The following DEGS2 variants were observed in gnomAD, a reference collection of about 807,000 sequenced individuals.
The protein encoded by DEGS2 is delta 4-desaturase, sphingolipid 2.
Under a neutral mutation model 23.8 loss-of-function variants are expected in DEGS2, and 19 were observed. That is an observed-to-expected ratio of 0.80 (90% CI 0.56 to 1.17). The LOEUF is 1.17. Among genes scored for constraint, DEGS2 ranks in the 50% most tolerant of loss-of-function variants. The pLI is 0.00. For missense variants in DEGS2, 390 were observed against 459.5 expected, an observed-to-expected ratio of 0.85 and a Z score of 1.38; for synonymous variants, 218 against 213.7, an observed-to-expected ratio of 1.02 and a Z score of -0.18.
At chr14:100,157,323 G>A (rs1462177244) in intron 1 of DEGS2, among the ~76,000 whole-genome samples, 2 of 152,356 alleles carry the variant, frequency 1.3e-5, no homozygotes, top group African/African-American at 4.8e-5. Flanking sequence ...TGGCTGCCAT[G>A]TGCCTCTTGC....
At chr14:100,153,715 C>T (rs527311192) in intron 1 of DEGS2, among the ~76,000 whole-genome samples, 3 of 152,358 alleles carry the variant, frequency 2.0e-5, no homozygotes, top group South Asian at 4.1e-4. Context: ...CTCTCTGCTC[C>T]GTGGGGCAGC....
rs200817337 is a variant in DEGS2 at position 100,148,954 on chromosome 14, G to T, written c.825+14C>A. 8.1e-6 allele frequency: 13 copies of T among 1,609,084 alleles called. No individual in the cohort carries two copies. In the Admixed American group the frequency reaches 1.8e-4, roughly 23 times the overall value. On this transcript the variant is annotated intron_variant, in intron 2 of 2. Transcript: ENST00000305631. ...GCCCTGCCCCGCCGCAGCCCTGCCA[G>T]CCCAGCCACATACCAGCGGCAGGTT...
chr14:100,160,031 C>G (rs1889727171), upstream of DEGS2: 1 of 153,224 alleles, frequency 6.5e-6, no homozygotes, highest in Non-Finnish European at 1.5e-5. Flanking sequence ...GTGGCTCGCG[C>G]CGCCCCTGCC....
chr14:100,146,979 C>T lies in DEGS2; in HGVS notation c.826-72G>A, dbSNP rs989079255. 8 of 1,541,826 alleles carry T rather than the reference C, an allele frequency of 5.2e-6. No homozygotes were observed. The Admixed American group carries it at 1.3e-4, about 26-fold the overall frequency. On this transcript the variant is annotated intron_variant, in intron 2 of 2. Transcript: ENST00000305631. ...GCACCCGCGAGCACACACGCAGACACCTGAGCACACGCGGTGGGCATGCAC... is the reference window on the plus strand; with the variant it reads ...GCACCCGCGAGCACACACGCAGACATCTGAGCACACGCGGTGGGCATGCAC...
Position 100,146,683 on chromosome 14 carries a change from A to G in DEGS2, c.*78T>C. 5 of 1,557,608 alleles carry G rather than the reference A, an allele frequency of 3.2e-6. 1 individual carries two copies. In the South Asian group the frequency reaches 6.0e-5, roughly 19 times the overall value. On this transcript the variant is annotated 3_prime_UTR_variant, in exon 3 of 3. Coordinates refer to ENST00000305631, the MANE Select transcript of DEGS2 (RefSeq NM_206918.3). ...CAGCAGTCCAGAGCACAGGAAGGAA[A>G]TGTAGCTTCTCAGTGCTGGGGTGCA... is the stretch of plus-strand genomic sequence containing the variant.
At chr14:100,147,138 TCCTC>T (rs1889463384) in intron 2 of DEGS2, among the ~76,000 whole-genome samples, 1 of 152,116 alleles carries the variant, frequency 6.6e-6, no homozygotes, top group Non-Finnish European at 1.5e-5. Context: ...ACCCCTCTGG[TCCTC>T]CCTGCCAACC....
the DEGS2 span, among the ~76,000 whole-genome samples, chr14:100,165,507 T>G: frequency 6.6e-6 from 1 of 152,336 alleles, no homozygotes; most frequent in African/African-American, 2.4e-5. Context: ...TGCCTGCATT[T>G]CAAGCAGTGG....
chr14:100,152,313 G>A (rs1315774578), intron 1 of DEGS2, among the ~76,000 whole-genome samples: 2 of 152,126 alleles, frequency 1.3e-5, no homozygotes, highest in African/African-American at 4.8e-5. Context: ...AGATGCCAGG[G>A]TGGGCATCAT....
chr14:100,149,566 A>G lies in DEGS2; in HGVS notation c.227T>C (p.Phe76Ser). 1 of 1,608,436 alleles carries G rather than the reference A, an allele frequency of 6.2e-7. No homozygotes were observed. The highest frequency in any genetic ancestry group is 8.5e-7 in the Non-Finnish European group (1 of 1,178,744). Residue 76 changes from phenylalanine (F) to serine (S), a missense_variant, in exon 2 of 3, where the codon TTT (phenylalanine) becomes TCT (serine). Transcript: ENST00000305631. ...CAGCGAGTGGTTCACGCAGCCACCA[A>G]AGGCGTAGGCCCAGAACAGCAGCCA... ...WRWLLFWAYA[F>S]GGCVNHSLTL...
upstream of DEGS2, among the ~76,000 whole-genome samples, chr14:100,160,850 G>C (rs1413860190): frequency 2.6e-5 from 4 of 152,204 alleles, no homozygotes; most frequent in African/African-American, 9.7e-5. Flanking sequence ...CCATGGGAAA[G>C]GTGGACACAG....
Position 100,149,007 on chromosome 14 carries a change from G to T in DEGS2, c.786C>A (p.His262Gln). The T allele has an allele frequency of 6.2e-7, 1 of 1,612,794 alleles. No individual in the cohort carries two copies. Among genetic ancestry groups the T allele is most frequent in the Non-Finnish European group, 8.5e-7 (1 of 1,179,948 alleles). The change falls in exon 2 of 3, where the codon CAC (histidine) becomes CAA (glutamine). Residue 262 changes from histidine to glutamine, a missense_variant. His to Gln is a conservative substitution (Grantham distance 24, BLOSUM62 0). Transcript: ENST00000305631. ...ITFNVGYHVE[H>Q]HDFPSIPGYN... is the part of the protein sequence containing the mutation. ...AGCCCGGGATGCTGGGGAAGTCGTG[G>T]TGCTCCACGTGGTAGCCCACATTGA...
chr14:100,153,264 TAGATAGATAGATAGATA>T (rs1889604581), intron 1 of DEGS2, among the ~76,000 whole-genome samples: 1 of 77,290 alleles, frequency 1.3e-5, no homozygotes, highest in Non-Finnish European at 2.9e-5. Context: ...GATAGATAGA[TAGATAGATAGATAGATA>T]GATAGATAGA....
chr14:100,149,817 C>G (rs1566741291), intron 1 of DEGS2, 107 bp from the exon 2 acceptor site: 4 of 1,190,688 alleles, frequency 3.4e-6, no homozygotes, highest in African/African-American at 1.5e-5. Flanking sequence ...GAGTGGCCAG[C>G]AAACCTCGCT....
intron 1 of DEGS2, among the ~76,000 whole-genome samples, chr14:100,155,261 A>G (rs1402259136): frequency 2.0e-5 from 3 of 152,132 alleles, no homozygotes; most frequent in Admixed American, 1.3e-4. Context: ...CCACCCATCC[A>G]CAGCTGAGTA....
Position 100,149,211 on chromosome 14 carries a change from C to T in DEGS2, c.582G>A (p.Leu194=), listed in dbSNP as rs777384167. 6.2e-7 allele frequency: 1 copy of T among 1,612,544 alleles called. No homozygotes were observed. Among genetic ancestry groups the T allele is most frequent in the South Asian group, 1.1e-5 (1 of 91,054 alleles). Residue 194 remains leucine, a synonymous_variant, in exon 2 of 3, where the codon CTG becomes CTA. Coordinates refer to ENST00000305631, the MANE Select transcript of DEGS2 (RefSeq NM_206918.3). ...GGGCAAAGATGGCCAGGTCGGCCGCCAGCTGCACCAGCGTGTTGAGCACCT... is the reference window on the plus strand; with the variant it reads ...GGGCAAAGATGGCCAGGTCGGCCGCTAGCTGCACCAGCGTGTTGAGCACCT... ...RMEVLNTLVQ[L]AADLAIFALW...
intron 1 of DEGS2, among the ~76,000 whole-genome samples, chr14:100,151,975 GGA>G (rs1317500039): frequency 6.6e-6 from 1 of 152,188 alleles, no homozygotes; most frequent in Non-Finnish European, 1.5e-5. Context: ...TGGATGTGCA[GGA>G]GAGGGTCGTG....
At chr14:100,147,598 G>A (rs1040632829) in intron 2 of DEGS2, among the ~76,000 whole-genome samples, 1 of 146,626 alleles carries the variant, frequency 6.8e-6, no homozygotes, top group Non-Finnish European at 1.5e-5. Flanking sequence ...CCACCACGCC[G>A]CCCCACTGCT....
chr14:100,152,117 G>A (rs1034637813), intron 1 of DEGS2, among the ~76,000 whole-genome samples: 1 of 152,152 alleles, frequency 6.6e-6, no homozygotes, highest in Non-Finnish European at 1.5e-5. Context: ...ACTTAGCCAG[G>A]TCATGGTGTC....
chr14:100,161,434 T>C (rs1889745031), upstream of DEGS2, among the ~76,000 whole-genome samples: 1 of 151,976 alleles, frequency 6.6e-6, no homozygotes, highest in Admixed American at 6.6e-5. Flanking sequence ...CCCAAGTCCC[T>C]GGGGAGCCAG....
Sources: gnomAD v4.1 joint callset for allele counts (sites outside exome capture counted in the v4.1 genomes callset) on GRCh38, gnomAD v4.1.1 for gene constraint, MANE v1.5 for transcripts, NCBI Gene and HGNC (gene_info 2026-07-23, HGNC 2026-07-21) for gene names.